NELL1: variants seen among roughly 807,000 people sequenced by gnomAD.
The protein encoded by NELL1 is neural EGFL like 1, also known as protein kinase C-binding protein NELL1.
A neutral mutation model predicts 107.4 loss-of-function variants in NELL1; 76 were observed. That is an observed-to-expected ratio of 0.71 (90% CI 0.59 to 0.86). The LOEUF is 0.86. Among genes scored for constraint, NELL1 ranks in the 40% least tolerant of loss-of-function variants. The pLI, the probability that NELL1 is intolerant of heterozygous loss-of-function variation, is 0.00. For missense variants in NELL1, 1,024 were observed against 1,005.5 expected (o/e 1.02, Z -0.25); for synonymous variants, 353 against 341.2 (o/e 1.03, Z -0.38).
intron 2 of NELL1, among the ~76,000 whole-genome samples, chr11:20,746,607 C>CAT (rs58849077): frequency 1.4e-5 from 2 of 142,844 alleles, no homozygotes; most frequent in Admixed American, 7.8e-5. Context: ...CACACACACA[C>CAT]GTGGAATTGA....
rs1283493013 is a variant in NELL1 at position 21,284,454 on chromosome 11, A to C, written c.1549+55000A>C. The C allele has an allele frequency of 1.5e-5, 7 of 458,308 alleles. No homozygotes were observed. The East Asian group carries it at 4.9e-4, about 32-fold the overall frequency. 28.4% of individuals were successfully genotyped at this position (458,308 alleles called of 1,614,324 possible). On this transcript the variant is annotated intron_variant, in intron 14 of 19. Transcript: ENST00000357134. Reference sequence around the variant, plus strand: ...AAAGTGATGGCTGTGCACAAGGTCAACATCACGAAACTGGGAGATGGTCTC... The same window carrying C: ...AAAGTGATGGCTGTGCACAAGGTCACCATCACGAAACTGGGAGATGGTCTC...
At chr11:20,687,043 C>CCCTT (rs529086417) in intron 2 of NELL1, among the ~76,000 whole-genome samples, 157 of 128,958 alleles carry the variant, frequency 1.2e-3, no homozygotes, top group Middle Eastern at 3.8e-3. Context: ...CTCTCTCTCT[C>CCCTT]TCTTTTTTTT....
intron 16 of NELL1, among the ~76,000 whole-genome samples, chr11:21,547,311 G>C (rs978830117): frequency 1.3e-5 from 2 of 151,820 alleles, no homozygotes; most frequent in African/African-American, 2.4e-5. Context: ...GGTCATGAAA[G>C]GAATCTAATT....
chr11:21,544,150 G>T (rs1461683211), intron 16 of NELL1, among the ~76,000 whole-genome samples: 1 of 151,968 alleles, frequency 6.6e-6, no homozygotes, highest in African/African-American at 2.4e-5. Flanking sequence ...TCTAGTTCAG[G>T]TGAAGTTCAC....
chr11:21,197,584 A>G (rs1295889093), intron 13 of NELL1, among the ~76,000 whole-genome samples: 2 of 152,134 alleles, frequency 1.3e-5, no homozygotes, highest in East Asian at 3.9e-4. Context: ...GCAATTACTG[A>G]GTTGATGTTG....
chr11:21,082,325 T>C (rs1336951910), intron 12 of NELL1, among the ~76,000 whole-genome samples: 1 of 152,192 alleles, frequency 6.6e-6, no homozygotes, highest in Non-Finnish European at 1.5e-5. Context: ...CAGATTAATT[T>C]AGAAAAGCAC....
intron 9 of NELL1, among the ~76,000 whole-genome samples, chr11:20,931,219 G>T (rs1034121931): frequency 2.4e-4 from 37 of 152,056 alleles, no homozygotes; most frequent in Non-Finnish European, 1.6e-4. Flanking sequence ...CTGGGAGGGA[G>T]GGGGAGAATA....
intron 14 of NELL1, among the ~76,000 whole-genome samples, chr11:21,297,865 C>T (rs961591696): frequency 3.3e-5 from 5 of 151,492 alleles, no homozygotes; most frequent in African/African-American, 1.2e-4. Context: ...CTCAGATGAG[C>T]CTTGACAAAG....
At chr11:21,340,931 G>A (rs79457536) in intron 14 of NELL1, among the ~76,000 whole-genome samples, 6 of 151,992 alleles carry the variant, frequency 3.9e-5, no homozygotes, top group Non-Finnish European at 7.4e-5. Context: ...GTAAATCAAC[G>A]TACCTATTTC....
At chr11:20,717,911 CCT>C (rs1221625067) in intron 2 of NELL1, among the ~76,000 whole-genome samples, 3 of 152,126 alleles carry the variant, frequency 2.0e-5, no homozygotes, top group Non-Finnish European at 2.9e-5. Context: ...TAGTGTAGCC[CCT>C]GTCACAATAT....
chr11:20,786,391 C>A (rs563621286), intron 3 of NELL1, among the ~76,000 whole-genome samples: 1 of 150,934 alleles, frequency 6.6e-6, no homozygotes, highest in Non-Finnish European at 1.5e-5. Flanking sequence ...AGAAGAAAAC[C>A]GTGTACAGGG....
At chr11:20,954,769 G>C (rs1400378) in intron 11 of NELL1, among the ~76,000 whole-genome samples, 37,315 of 152,004 alleles carry the variant, frequency 0.25, 5,567 homozygotes, top group East Asian at 0.56. Context: ...ACCTGAAGGT[G>C]AGTTTGTCTC....
intron 12 of NELL1, among the ~76,000 whole-genome samples, chr11:21,087,854 G>A (rs576522117): frequency 6.6e-6 from 1 of 152,244 alleles, no homozygotes; most frequent in Admixed American, 6.5e-5. Flanking sequence ...CATTACCTAT[G>A]GCTATTTTTA....
In NELL1 at chr11:21,043,374, A is replaced by G. The variant is rs371001647; in HGVS notation, c.1301-70215A>G. Reference sequence around the variant, plus strand: ...ATGGACAGATTTTAATACATGCTAGATGTAAAGTCCTTAAGGTTAGAAAGA... The same window carrying G: ...ATGGACAGATTTTAATACATGCTAGGTGTAAAGTCCTTAAGGTTAGAAAGA... On this transcript the variant is annotated intron_variant, in intron 12 of 19. Coordinates refer to ENST00000357134, the MANE Select transcript of NELL1 (RefSeq NM_006157.5). Among the ~76,000 whole-genome samples, 7 of 152,234 alleles carry G rather than the reference A, an allele frequency of 4.6e-5. 1 individual carries two copies. In the South Asian group the frequency reaches 1.5e-3, roughly 32 times the overall value.
chr11:21,561,212 A>G (rs562758660), intron 17 of NELL1, among the ~76,000 whole-genome samples: 196 of 152,174 alleles, frequency 1.3e-3, no homozygotes, highest in African/African-American at 4.6e-3. Flanking sequence ...CTCTTAGCCA[A>G]GTCTCCTGAT....
At chr11:21,158,289 C>A (rs1856288861) in intron 13 of NELL1, among the ~76,000 whole-genome samples, 1 of 152,172 alleles carries the variant, frequency 6.6e-6, no homozygotes, top group Non-Finnish European at 1.5e-5. Context: ...CCTCAGCTTG[C>A]AGACGGTCTG....
chr11:21,492,854 C>T (rs1035243507), intron 15 of NELL1, among the ~76,000 whole-genome samples: 6 of 151,772 alleles, frequency 4.0e-5, no homozygotes, highest in Non-Finnish European at 5.9e-5. Flanking sequence ...ATGTAACTAA[C>T]GTGCACATTG....
chr11:20,930,161 A>G (rs1444374281), intron 9 of NELL1, among the ~76,000 whole-genome samples: 1 of 152,142 alleles, frequency 6.6e-6, no homozygotes, highest in Non-Finnish European at 1.5e-5. Flanking sequence ...TTAAAATTAT[A>G]AAAGCACTGT....
intron 10 of NELL1, among the ~76,000 whole-genome samples, chr11:20,944,761 ATAT>A (rs1345305695): frequency 6.6e-6 from 1 of 152,214 alleles, no homozygotes; most frequent in Non-Finnish European, 1.5e-5. Context: ...ATCACAGTTC[ATAT>A]TATTTTTCAA....
Sources: allele counts gnomAD v4.1 joint callset (sites outside exome capture counted in the v4.1 genomes callset), GRCh38; gene constraint gnomAD v4.1.1; transcripts MANE v1.5; gene names NCBI Gene and HGNC (gene_info 2026-07-23, HGNC 2026-07-21).